Variants in RGS17 observed in about 807,000 individuals in gnomAD.
RGS17 encodes regulator of G protein signaling 17, also known as regulator of G-protein signaling 17.
RGS17 carries 12 observed loss-of-function variants against 25.5 expected under a neutral mutation model. That is an observed-to-expected ratio of 0.47 (90% CI 0.30 to 0.76). RGS17 has a LOEUF of 0.76. Ranked by LOEUF, RGS17 falls within the 30% of genes least tolerant of loss-of-function variation. The probability of loss-of-function intolerance (pLI) is 0.07; values close to 1 mark genes in which losing one functional copy is unlikely to be tolerated. For missense variants in RGS17, 196 were observed against 242.2 expected, an observed-to-expected ratio of 0.81 and a Z score of 1.27; for synonymous variants, 71 against 76.9, an observed-to-expected ratio of 0.92 and a Z score of 0.40.
At chr6:153,015,278 T>C (rs2129105663) in intron 4 of RGS17, among the ~76,000 whole-genome samples, 1 of 152,370 alleles carries the variant, frequency 6.6e-6, no homozygotes, top group East Asian at 1.9e-4. Context: ...CAGCAGGGTT[T>C]GAGAGGATTG....
chr6:153,062,759 G>A (rs1446526060), intron 1 of RGS17, among the ~76,000 whole-genome samples: 1 of 152,090 alleles, frequency 6.6e-6, no homozygotes, highest in Non-Finnish European at 1.5e-5. Flanking sequence ...AGAGGAGAGG[G>A]AAGAGTGGGG....
intron 1 of RGS17, among the ~76,000 whole-genome samples, chr6:153,065,352 G>C (rs1461939330): frequency 6.6e-6 from 1 of 152,154 alleles, no homozygotes; most frequent in African/African-American, 2.4e-5. Flanking sequence ...TACAGTAATG[G>C]CTAGAGACTT....
intron 1 of RGS17, among the ~76,000 whole-genome samples, chr6:153,077,669 G>C (rs1400944182): frequency 6.6e-6 from 1 of 152,032 alleles, no homozygotes; most frequent in Non-Finnish European, 1.5e-5. Context: ...ATTTCATAAT[G>C]AGAAAGTTGG....
At chr6:153,053,842 T>C (rs1776495029) in intron 1 of RGS17, among the ~76,000 whole-genome samples, 1 of 147,474 alleles carries the variant, frequency 6.8e-6, no homozygotes, top group Admixed American at 6.9e-5. Context: ...GAGTTTTGGG[T>C]ATGGGAGTAT....
rs1426975004 is a variant in RGS17, at chr6:153,005,474, A to G, written c.*6100T>C. The G allele has an allele frequency of 6.6e-6, 1 of 152,206 alleles. No individual in the cohort carries two copies. The highest frequency in any genetic ancestry group is 1.5e-5 in the Non-Finnish European group (1 of 68,036). 9.4% of individuals were successfully genotyped at this position (152,206 alleles called of 1,614,324 possible). A position where few individuals can be genotyped will look rare whatever the true frequency, so the allele number is the denominator to read the frequency against. ...TTAAAAACGCATTACTTTACAGTGG[A>G]GAAATATAATAGATGCTACCTCAGC... On this transcript the variant is annotated 3_prime_UTR_variant, in exon 5 of 5. Coordinates refer to ENST00000206262, the MANE Select transcript of RGS17 (RefSeq NM_012419.5).
At chr6:153,110,425 T>TACACACACACACACAC (rs149969105) in intron 1 of RGS17, among the ~76,000 whole-genome samples, 2,720 of 144,850 alleles carry the variant, frequency 0.019, 72 homozygotes, top group East Asian at 0.12. Flanking sequence ...ACTGCCAACA[T>TACACACACACACACAC]ACACACACAC....
At chr6:153,014,784 TG>T (rs1341309250) in intron 4 of RGS17, among the ~76,000 whole-genome samples, 1 of 140,674 alleles carries the variant, frequency 7.1e-6, no homozygotes, top group Non-Finnish European at 1.5e-5. Context: ...GGCTACAGAG[TG>T]AGACTCCGTC....
intron 2 of RGS17, among the ~76,000 whole-genome samples, chr6:153,040,077 A>ATGCCCTGGATTTGTGCATCCATTCCT (rs35364459): frequency 6.6e-6 from 1 of 151,850 alleles, no homozygotes; most frequent in Non-Finnish European, 1.5e-5. Flanking sequence ...TGTCCATTTT[A>ATGCCCTGGATTTGTGCATCCATTCCT]TGTGTATTTA....
At chr6:153,094,787 C>T (rs1777184431) in intron 1 of RGS17, among the ~76,000 whole-genome samples, 1 of 152,166 alleles carries the variant, frequency 6.6e-6, no homozygotes, top group Non-Finnish European at 1.5e-5. Flanking sequence ...ACACATGGCA[C>T]ATATCTTCAT....
At chr6:153,122,019 A>G (rs1466442496) in intron 1 of RGS17, among the ~76,000 whole-genome samples, 3 of 152,240 alleles carry the variant, frequency 2.0e-5, no homozygotes, top group Non-Finnish European at 2.9e-5. Flanking sequence ...AAGTGGTTAC[A>G]TAATATAGCA....
intron 2 of RGS17, among the ~76,000 whole-genome samples, chr6:153,029,579 T>TTTTTTTC (rs1554236110): frequency 7.9e-5 from 12 of 152,018 alleles, no homozygotes; most frequent in African/African-American, 2.7e-4. Flanking sequence ...AGACACTTTT[T>TTTTTTTC]TTTTTCTTTT....
chr6:153,061,189 C>T (rs979899673), intron 1 of RGS17, among the ~76,000 whole-genome samples: 2 of 152,146 alleles, frequency 1.3e-5, no homozygotes, highest in Non-Finnish European at 2.9e-5. Flanking sequence ...AGAACAGCAG[C>T]ATTAGCTTGG....
At chr6:153,012,907 C>G (rs993076322) in intron 4 of RGS17, among the ~76,000 whole-genome samples, 2 of 152,072 alleles carry the variant, frequency 1.3e-5, no homozygotes, top group Non-Finnish European at 2.9e-5. Flanking sequence ...ATCCAGTGTC[C>G]CCAGGTTCCT....
At chr6:153,119,688 C>T (rs1399962407) in intron 1 of RGS17, among the ~76,000 whole-genome samples, 8 of 151,950 alleles carry the variant, frequency 5.3e-5, no homozygotes, top group African/African-American at 1.7e-4. Flanking sequence ...AGCAAGACTC[C>T]ATCTCAAAAA....
intron 1 of RGS17, among the ~76,000 whole-genome samples, chr6:153,077,928 C>CA (rs1267739156): frequency 1.3e-5 from 2 of 151,658 alleles, no homozygotes; most frequent in African/African-American, 4.9e-5. Flanking sequence ...AGCTGGGGTG[C>CA]AATGGCATGA....
At chr6:153,063,973 C>A (rs954997594) in intron 1 of RGS17, among the ~76,000 whole-genome samples, 1 of 151,590 alleles carries the variant, frequency 6.6e-6, no homozygotes, top group South Asian at 2.1e-4. Context: ...AAAACTTTTA[C>A]CCTAGAATAA....
At chr6:153,015,123 A>G (rs1779170048) in intron 4 of RGS17, among the ~76,000 whole-genome samples, 1 of 152,138 alleles carries the variant, frequency 6.6e-6, no homozygotes, top group African/African-American at 2.4e-5. Context: ...TCATAATAAA[A>G]CTCTAAAGAA....
At chr6:153,028,210 A>G (rs1248691416) in intron 2 of RGS17, among the ~76,000 whole-genome samples, 1 of 152,172 alleles carries the variant, frequency 6.6e-6, no homozygotes, top group Non-Finnish European at 1.5e-5. Flanking sequence ...ATTTCTAGGG[A>G]CAGGGGCAGG....
intron 1 of RGS17, among the ~76,000 whole-genome samples, chr6:153,064,444 C>T (rs1776679677): frequency 6.6e-6 from 1 of 152,026 alleles, no homozygotes; most frequent in Non-Finnish European, 1.5e-5. Context: ...TCCTGGCTAA[C>T]ATGGTGAAAC....
Sources: gnomAD v4.1 joint callset for allele counts (sites outside exome capture counted in the v4.1 genomes callset) on GRCh38, gnomAD v4.1.1 for gene constraint, MANE v1.5 for transcripts, NCBI Gene and HGNC (gene_info 2026-07-23, HGNC 2026-07-21) for gene names.